COL22A1: variants seen among roughly 807,000 people sequenced by gnomAD.
The protein encoded by COL22A1 is collagen type XXII alpha 1 chain.
COL22A1 carries 221 observed loss-of-function variants against 248.9 expected under a neutral mutation model. That is an observed-to-expected ratio of 0.89 (90% CI 0.80 to 0.99). The LOEUF is 0.99. Ranked by LOEUF, COL22A1 falls within the 50% of genes least tolerant of loss-of-function variation. COL22A1 has a pLI of 0.00. For missense variants in COL22A1, 2,240 were observed against 2,179.0 expected (o/e 1.03, Z -0.56); for synonymous variants, 891 against 793.4 (o/e 1.12, Z -2.07).
chr8:138,698,753 T>G (rs1314340714), intron 32 of COL22A1, among the ~76,000 whole-genome samples: 1 of 151,378 alleles, frequency 6.6e-6, no homozygotes, highest in African/African-American at 2.4e-5. Flanking sequence ...AGGTGCGGTG[T>G]TCCTCATGCA....
At chr8:138,897,433 C>T (rs933957933) in intron 1 of COL22A1, among the ~76,000 whole-genome samples, 2 of 151,962 alleles carry the variant, frequency 1.3e-5, no homozygotes, top group Non-Finnish European at 2.9e-5. Flanking sequence ...CCTGTAATCA[C>T]AGCTACTCAG....
intron 10 of COL22A1, among the ~76,000 whole-genome samples, chr8:138,803,965 G>C (rs1461282801): frequency 6.6e-6 from 1 of 152,148 alleles, no homozygotes; most frequent in African/African-American, 2.4e-5. Context: ...GACCCAGCTG[G>C]TCAGGGCTGT....
At chr8:138,779,287 C>T (rs1330758505) in intron 14 of COL22A1, among the ~76,000 whole-genome samples, 2 of 152,150 alleles carry the variant, frequency 1.3e-5, no homozygotes, top group African/African-American at 2.4e-5. Flanking sequence ...AAAGATGTCT[C>T]TCATCTCTTG....
intron 54 of COL22A1, among the ~76,000 whole-genome samples, chr8:138,616,345 C>T (rs888120525): frequency 6.6e-6 from 1 of 152,176 alleles, no homozygotes; most frequent in Non-Finnish European, 1.5e-5. Context: ...AATGCTGCCT[C>T]CTTATCTGCT....
At chr8:138,865,291 G>T (rs1319023211) in intron 3 of COL22A1, among the ~76,000 whole-genome samples, 1 of 152,168 alleles carries the variant, frequency 6.6e-6, no homozygotes, top group Non-Finnish European at 1.5e-5. Flanking sequence ...CTATGTGTGT[G>T]CATCTGAGTA....
rs1818268739 is a variant in COL22A1, at chr8:138,811,900, C to G, written c.1348G>C (p.Glu450Gln). The G allele has an allele frequency of 6.4e-7, 1 of 1,556,448 alleles. No individual in the cohort carries two copies. Among genetic ancestry groups the G allele is most frequent in the Non-Finnish European group, 8.7e-7 (1 of 1,150,570 alleles). The change falls in exon 9 of 65, where the codon GAG becomes CAG. Residue 450 changes from glutamate to glutamine, a missense_variant. Physicochemically the swap from Glu to Gln is conservative, Grantham distance 29 (BLOSUM62 2). Transcript: ENST00000303045. ...TGGGGTGGGGGTGGAGGTGGAGGCT[C>G]TGTCACCACGGTCACCTGGCACTGG... ...SGPCQVTVVT[E>Q]PPPPPPPQRP...
At chr8:138,590,339 C>T (rs1029288225) in intron 64 of COL22A1, among the ~76,000 whole-genome samples, 14 of 152,086 alleles carry the variant, frequency 9.2e-5, no homozygotes, top group Admixed American at 7.2e-4. Context: ...ATAATCCTGC[C>T]TAGATCAAGT....
At chr8:138,904,946 C>T (rs1814901183) in intron 1 of COL22A1, among the ~76,000 whole-genome samples, 1 of 152,170 alleles carries the variant, frequency 6.6e-6, no homozygotes, top group South Asian at 2.1e-4. Context: ...CTCCACCACT[C>T]TCCAGCCATG....
chr8:138,897,329 C>T (rs1825489720), intron 1 of COL22A1, among the ~76,000 whole-genome samples: 1 of 152,102 alleles, frequency 6.6e-6, no homozygotes, highest in African/African-American at 2.4e-5. Context: ...AGGCGATTCA[C>T]AAGGTCAAGA....
chr8:138,692,237 T>C (rs796137962), intron 35 of COL22A1, among the ~76,000 whole-genome samples: 187 of 7,742 alleles, frequency 0.024, no homozygotes, highest in South Asian at 0.044. Flanking sequence ...TGCATGTGCA[T>C]GTTTGTGGAC....
At chr8:138,688,418 G>T (rs1413461330) in intron 37 of COL22A1, among the ~76,000 whole-genome samples, 1 of 152,042 alleles carries the variant, frequency 6.6e-6, no homozygotes, top group African/African-American at 2.4e-5. Context: ...CTACTCAGGA[G>T]GCTGAGACAT....
chr8:138,668,135 G>A (rs1429856046), intron 41 of COL22A1, among the ~76,000 whole-genome samples: 1 of 152,158 alleles, frequency 6.6e-6, no homozygotes, highest in Non-Finnish European at 1.5e-5. Context: ...ATTTGATGGT[G>A]TTATGGATTT....
intron 1 of COL22A1, among the ~76,000 whole-genome samples, chr8:138,883,714 T>A (rs1223783155): frequency 6.6e-6 from 1 of 151,634 alleles, no homozygotes; most frequent in Non-Finnish European, 1.5e-5. Context: ...TCCTGCTCTC[T>A]CACATATTCG....
intron 56 of COL22A1, among the ~76,000 whole-genome samples, chr8:138,609,525 G>A (rs1818692686): frequency 6.6e-6 from 1 of 152,138 alleles, no homozygotes; most frequent in Non-Finnish European, 1.5e-5. Flanking sequence ...TCTAAAATCA[G>A]AGCAGCCAGC....
intron 32 of COL22A1, among the ~76,000 whole-genome samples, chr8:138,697,577 A>G (rs1827611263): frequency 6.6e-6 from 1 of 152,132 alleles, no homozygotes; most frequent in Non-Finnish European, 1.5e-5. Context: ...CTGTCACCTC[A>G]TCAGGTGCAG....
Position 138,841,721 on chromosome 8 carries a change from C to A in COL22A1, c.733+2363G>T, listed in dbSNP as rs140143387. On this transcript the variant is annotated intron_variant, in intron 4 of 64. Coordinates refer to ENST00000303045, the MANE Select transcript of COL22A1 (RefSeq NM_152888.3). Reference sequence around the variant, plus strand: ...GAGGGCAGTGCTGGAGGTTGACATGCTGATTAGAGATGCTACAAAACTCCA... The same window carrying A: ...GAGGGCAGTGCTGGAGGTTGACATGATGATTAGAGATGCTACAAAACTCCA... Among the ~76,000 whole-genome samples, 756 of 152,204 alleles carry A rather than the reference C, an allele frequency of 5.0e-3. 11 individuals are homozygous for A. Among genetic ancestry groups the A allele is most frequent in the African/African-American group, 0.017 (724 of 41,522 alleles).
chr8:138,729,056 T>C (rs1041126690), intron 23 of COL22A1, among the ~76,000 whole-genome samples: 13 of 152,168 alleles, frequency 8.5e-5, no homozygotes, highest in African/African-American at 3.1e-4. Flanking sequence ...CTCCATTCAG[T>C]GTATGCTCCA....
At chr8:138,821,695 C>T (rs999062493) in intron 6 of COL22A1, among the ~76,000 whole-genome samples, 1 of 152,202 alleles carries the variant, frequency 6.6e-6, no homozygotes, top group Non-Finnish European at 1.5e-5. Context: ...TCAGGGGTCA[C>T]AGCCTCAACT....
At chr8:138,832,387 C>A (rs576695089) in intron 5 of COL22A1, among the ~76,000 whole-genome samples, 175 of 152,194 alleles carry the variant, frequency 1.1e-3, no homozygotes, top group African/African-American at 4.0e-3. Context: ...GTAACAATGT[C>A]ATTTTTGTTT....
Sources: allele counts gnomAD v4.1 joint callset (sites outside exome capture counted in the v4.1 genomes callset), GRCh38; gene constraint gnomAD v4.1.1; transcripts MANE v1.5; gene names NCBI Gene and HGNC (gene_info 2026-07-23, HGNC 2026-07-21).